The following CYP4F22 variants were observed in gnomAD, a reference collection of about 807,000 sequenced individuals.
CYP4F22 encodes the protein ultra-long-chain fatty acid omega-hydroxylase.
A neutral mutation model predicts 60.4 loss-of-function variants in CYP4F22; 37 were observed. The observed-to-expected ratio is 0.61, with a 90% confidence interval of 0.47 to 0.81. The LOEUF is 0.81. Ranked by LOEUF, CYP4F22 falls within the 30% of genes least tolerant of loss-of-function variation. The pLI is 0.00. For synonymous variants in CYP4F22, 258 were observed against 280.5 expected (o/e 0.92, Z 0.80); for missense variants, 655 against 715.0 (o/e 0.92, Z 0.96).
At chr19:15,550,019 C>T (rs1284500924) in intron 12 of CYP4F22, among the ~76,000 whole-genome samples, 1 of 152,120 alleles carries the variant, frequency 6.6e-6, no homozygotes, top group East Asian at 1.9e-4. Context: ...ACTTCTACCT[C>T]CTGGGTTCAA....
intron 1 of CYP4F22, among the ~76,000 whole-genome samples, chr19:15,517,974 G>A (rs12985639): frequency 0.2 from 29,876 of 152,022 alleles, 3,855 homozygotes; most frequent in East Asian, 0.64. Context: ...TGAGGAGGAG[G>A]GTGGTGGGAG....
intron 4 of CYP4F22, among the ~76,000 whole-genome samples, chr19:15,530,484 T>G (rs183631871): frequency 6.6e-6 from 1 of 152,294 alleles, no homozygotes; most frequent in Admixed American, 6.5e-5. Flanking sequence ...ATCTTCCTCA[T>G]GAGCGGGACT....
chr19:15,519,510 G>A (rs921369139), intron 1 of CYP4F22, among the ~76,000 whole-genome samples: 2 of 152,104 alleles, frequency 1.3e-5, no homozygotes, highest in Non-Finnish European at 1.5e-5. Flanking sequence ...TGATCCACCC[G>A]CCTTGGCCTT....
chr19:15,537,740 C>A, intron 6 of CYP4F22, 78 bp downstream of exon 6: 1 of 1,606,726 alleles, frequency 6.2e-7, no homozygotes, highest in Non-Finnish European at 8.5e-7. Flanking sequence ...CATGGGCAAG[C>A]CATGTGATGT....
rs372183725 is a variant in CYP4F22 at position 15,540,737 on chromosome 19, AAT to A, written c.939+21_939+22del. The A allele has an allele frequency of 0.78, 1,250,702 of 1,611,034 alleles. 487,048 individuals carry two copies. The highest frequency in any genetic ancestry group is 0.93 in the East Asian group (41,608 of 44,862). The stretch of plus-strand genomic sequence containing the variant: ...GCCAGGGTGAGGCTGGGCCCCCTGG[AAT>A]TGCTGGCCTCCCGAGGGCTGGCCTC... On this transcript the variant is annotated intron_variant, in intron 8 of 13. Transcript: ENST00000269703.
chr19:15,510,966 A>ATATATTTTTTTTT (rs34055543), intron 1 of CYP4F22, among the ~76,000 whole-genome samples: 12 of 103,304 alleles, frequency 1.2e-4, no homozygotes, highest in African/African-American at 5.1e-4. Context: ...ATATATATAT[A>ATATATTTTTTTTT]TTTTTTTTTT....
chr19:15,548,252 T>C lies in CYP4F22; in HGVS notation c.1270+11T>C, dbSNP rs1308021396. The C allele has an allele frequency of 3.1e-6, 5 of 1,613,944 alleles. No homozygotes were observed. The highest frequency in any genetic ancestry group is 4.2e-6 in the Non-Finnish European group (5 of 1,180,000). ...GCATCATCCCCAAAGGTGCCTACCA[T>C]GTTCCGCCTGCTGCTGGTGCACTGC... On this transcript the variant is annotated intron_variant, in intron 11 of 13. Transcript: ENST00000269703.
chr19:15,540,473 C>A lies in CYP4F22; in HGVS notation c.695C>A (p.Ala232Asp). 6.2e-7 allele frequency: 1 copy of A among 1,614,212 alleles called. No individual in the cohort carries two copies. The highest frequency in any genetic ancestry group is 8.5e-7 in the Non-Finnish European group (1 of 1,180,044). The change falls in exon 8 of 14, where the codon GCT becomes GAT. Residue 232 changes from alanine (A) to aspartate (D), a missense_variant. Physicochemically the swap from Ala to Asp is moderately radical, Grantham distance 126. This residue lies in a region of CYP4F22 where 430 missense variants were observed against 457.1 expected (regional missense o/e 0.94). Coordinates refer to ENST00000269703, the MANE Select transcript of CYP4F22 (RefSeq NM_173483.4). Reference sequence around the variant, plus strand: ...AGGAAGATGAGTGATTATATCTCCGCTATCATTGAACTGAGCGCTCTGTCT... The same window carrying A: ...AGGAAGATGAGTGATTATATCTCCGATATCATTGAACTGAGCGCTCTGTCT... Reference protein sequence around the residue: ...CQEKMSDYISAIIELSALSVR... With the variant: ...CQEKMSDYISDIIELSALSVR...
intron 6 of CYP4F22, 48 bp from the exon 7 acceptor site, chr19:15,537,824 T>C (rs1297928357): frequency 6.2e-7 from 1 of 1,612,342 alleles, no homozygotes; most frequent in Non-Finnish European, 8.5e-7. Context: ...TTAGGCTGAC[T>C]CCCTCTCTGT....
chr19:15,513,026 C>T (rs1181936631), intron 1 of CYP4F22, among the ~76,000 whole-genome samples: 1 of 151,132 alleles, frequency 6.6e-6, no homozygotes, highest in African/African-American at 2.4e-5. Context: ...TTTGTATTAC[C>T]ATTTATTGGT....
chr19:15,541,205 A>G (rs1173548056), intron 8 of CYP4F22, among the ~76,000 whole-genome samples: 1 of 152,240 alleles, frequency 6.6e-6, no homozygotes, highest in Non-Finnish European at 1.5e-5. Flanking sequence ...AAGTACCACA[A>G]ACTAAATGGC....
At chr19:15,528,486 T>G (rs1449167286) in intron 3 of CYP4F22, among the ~76,000 whole-genome samples, 4 of 152,156 alleles carry the variant, frequency 2.6e-5, no homozygotes, top group African/African-American at 9.7e-5. Context: ...AATGCGCTAC[T>G]CTGCCCTCCA....
chr19:15,515,774 A>C (rs1971146944), intron 1 of CYP4F22, among the ~76,000 whole-genome samples: 1 of 151,266 alleles, frequency 6.6e-6, no homozygotes, highest in African/African-American at 2.4e-5. Flanking sequence ...CCCAGGCTGG[A>C]GGGCAGTGGC....
intron 3 of CYP4F22, among the ~76,000 whole-genome samples, chr19:15,526,054 A>G (rs1380285008): frequency 6.6e-6 from 1 of 151,742 alleles, no homozygotes; most frequent in African/African-American, 2.4e-5. Flanking sequence ...AATCCCAGCT[A>G]CTTGGGAGGC....
Position 15,540,450 on chromosome 19 carries a change from G to A in CYP4F22, c.672G>A (p.Glu224=), listed in dbSNP as rs752196556. Residue 224 remains glutamate, a splice_region_variant and synonymous_variant, in exon 8 of 14, where the codon GAG becomes GAA. Coordinates refer to ENST00000269703, the MANE Select transcript of CYP4F22 (RefSeq NM_173483.4). ...CVFSYNSNCQ[E]KMSDYISAII... ...TCATGGATCCCCTTCTCCTTGGCAG[G>A]AAGATGAGTGATTATATCTCCGCTA... The A allele has an allele frequency of 9.3e-6, 15 of 1,614,070 alleles. No individual in the cohort carries two copies. The East Asian group carries it at 2.4e-4, about 26-fold the overall frequency.
chr19:15,538,914 G>A (rs1488411221), intron 7 of CYP4F22, among the ~76,000 whole-genome samples: 3 of 152,098 alleles, frequency 2.0e-5, no homozygotes, highest in African/African-American at 7.2e-5. Context: ...CCATGAACAA[G>A]TAAACAAACA....
Position 15,529,788 on chromosome 19 carries a change from G to A in CYP4F22, c.302G>A (p.Gly101Glu). 6.2e-7 allele frequency: 1 copy of A among 1,614,126 alleles called. No homozygotes were observed. The highest frequency in any genetic ancestry group is 8.5e-7 in the Non-Finnish European group (1 of 1,180,014). Residue 101 changes from glycine (G) to glutamate (E), a missense_variant, in exon 4 of 14, where the codon GGA (glycine) becomes GAA (glutamate). By Grantham distance (98) the Gly-to-Glu change is moderately conservative (BLOSUM62 -2). Around this residue, in one of 3 missense-constraint regions of CYP4F22, gnomAD observed 430 missense variants for 457.1 expected, o/e 0.94. Coordinates refer to ENST00000269703, the MANE Select transcript of CYP4F22 (RefSeq NM_173483.4). ...CACCATGTACTCTTGGTATGGATGGGACCTGTCCTGCCGCTGTTGGTTCTG... is the reference window on the plus strand; with the variant it reads ...CACCATGTACTCTTGGTATGGATGGAACCTGTCCTGCCGCTGTTGGTTCTG... ...NMHHVLLVWMGPVLPLLVLVH... is the reference protein window; with the variant it reads ...NMHHVLLVWMEPVLPLLVLVH...
At chr19:15,529,084 C>T (rs1014286370) in intron 3 of CYP4F22, among the ~76,000 whole-genome samples, 1 of 151,972 alleles carries the variant, frequency 6.6e-6, no homozygotes, top group African/African-American at 2.4e-5. Flanking sequence ...GCTGTGACTA[C>T]AGGCATGTCC....
intron 1 of CYP4F22, among the ~76,000 whole-genome samples, chr19:15,509,354 C>T (rs1300692571): frequency 6.6e-6 from 1 of 152,168 alleles, no homozygotes; most frequent in Non-Finnish European, 1.5e-5. Context: ...TCTGCCCGCT[C>T]ACAGCTCATT....
Sources: gnomAD v4.1 joint callset for allele counts (sites outside exome capture counted in the v4.1 genomes callset) on GRCh38, gnomAD v4.1.1 for gene constraint, gnomAD v4.1.1 regional missense constraint, MANE v1.5 for transcripts, NCBI Gene and HGNC (gene_info 2026-07-23, HGNC 2026-07-21) for gene names.